BMPR1B: variants seen among roughly 807,000 people sequenced by gnomAD.
BMPR1B encodes bone morphogenetic protein receptor type 1B, also known as bone morphogenetic protein receptor type-1B.
A neutral mutation model predicts 59.1 loss-of-function variants in BMPR1B; 12 were observed. The observed-to-expected ratio is 0.20, with a 90% CI of 0.13 to 0.33. The LOEUF is 0.33. BMPR1B is among the 10% of genes least tolerant of loss of function. The probability of loss-of-function intolerance (pLI) is 1.00; values close to 1 mark genes in which losing one functional copy is unlikely to be tolerated. For synonymous variants in BMPR1B, 237 were observed against 207.3 expected (o/e 1.14, Z -1.23); for missense variants, 550 against 610.9 (o/e 0.90, Z 1.05).
chr4:95,022,718 T>G (rs1724082799), intron 3 of BMPR1B, among the ~76,000 whole-genome samples: 1 of 152,178 alleles, frequency 6.6e-6, no homozygotes, highest in South Asian at 2.1e-4. Flanking sequence ...CAATGCGATT[T>G]CTGAAATATG....
In BMPR1B at chr4:95,129,941, A is replaced by C. The variant is rs957165736; in HGVS notation, c.665A>C (p.Lys222Thr). ...KGRYGEVWMG[K>T]WRGEKVAVKV... ...CGCTATGGGGAAGTTTGGATGGGAAAGTGGCGTGGCGAAAAGGTAGCTGTG... is the reference window on the plus strand; with the variant it reads ...CGCTATGGGGAAGTTTGGATGGGAACGTGGCGTGGCGAAAAGGTAGCTGTG... The change falls in exon 9 of 13, where the codon AAG becomes ACG. Residue 222 changes from lysine (K) to threonine (T), a missense_variant. Physicochemically the swap from Lys to Thr is moderately conservative, Grantham distance 78. This residue lies in a region of BMPR1B where 318 missense variants were observed against 284.6 expected (regional missense o/e 1.12). Coordinates refer to ENST00000515059, the MANE Select transcript of BMPR1B (RefSeq NM_001203.3). 9.9e-6 allele frequency: 16 copies of C among 1,613,816 alleles called. No homozygotes were observed. Among genetic ancestry groups the C allele is most frequent in the Non-Finnish European group, 1.4e-5 (16 of 1,179,916 alleles).
chr4:94,795,986 A>T (rs1723177079), intron 1 of BMPR1B, among the ~76,000 whole-genome samples: 1 of 148,974 alleles, frequency 6.7e-6, no homozygotes, highest in South Asian at 2.1e-4. Flanking sequence ...TTTTTTTGAG[A>T]TGGAGTCTCC....
chr4:95,000,440 A>G (rs1318880621), intron 3 of BMPR1B, among the ~76,000 whole-genome samples: 1 of 152,030 alleles, frequency 6.6e-6, no homozygotes, highest in East Asian at 1.9e-4. Flanking sequence ...CAGGAGGCGG[A>G]GTTTGCAGTG....
chr4:94,888,551 T>C (rs1727270141), intron 2 of BMPR1B, among the ~76,000 whole-genome samples: 3 of 152,088 alleles, frequency 2.0e-5, no homozygotes. Context: ...AAACATTATT[T>C]AATTTTTTCA....
chr4:95,071,646 G>GTATATATATATATATATATATA (rs1179814583), intron 3 of BMPR1B, among the ~76,000 whole-genome samples: 1 of 86,582 alleles, frequency 1.2e-5, no homozygotes, highest in African/African-American at 4.7e-5. Flanking sequence ...GTGTGTGTGT[G>GTATATATATATATATATATATA]TGTGTGTATA....
At chr4:94,767,605 CCT>C (rs774183086) in intron 1 of BMPR1B, among the ~76,000 whole-genome samples, 4 of 152,208 alleles carry the variant, frequency 2.6e-5, no homozygotes, top group Middle Eastern at 3.4e-3. Context: ...ATATTTAAAC[CCT>C]CTCTGAAGAG....
chr4:95,104,657 AT>A, intron 4 of BMPR1B, 90 bp downstream of exon 4: 1 of 1,503,286 alleles, frequency 6.7e-7, no homozygotes. Context: ...CAAAGAACAC[AT>A]TTTAGAGAAC....
At chr4:95,088,897 A>G (rs988313768) in intron 3 of BMPR1B, among the ~76,000 whole-genome samples, 1 of 152,182 alleles carries the variant, frequency 6.6e-6, no homozygotes, top group African/African-American at 2.4e-5. Flanking sequence ...GAGTTTTTAC[A>G]TAGAAGATAG....
At chr4:94,799,627 T>C (rs1723328276) in intron 1 of BMPR1B, among the ~76,000 whole-genome samples, 1 of 151,142 alleles carries the variant, frequency 6.6e-6, no homozygotes, top group South Asian at 2.1e-4. Flanking sequence ...TCATGATTTT[T>C]TTTCCCTCTT....
chr4:95,060,107 T>C (rs1343828601), intron 3 of BMPR1B, among the ~76,000 whole-genome samples: 1 of 152,202 alleles, frequency 6.6e-6, no homozygotes, highest in African/African-American at 2.4e-5. Flanking sequence ...ATGTATTTCC[T>C]GTATCAGAAT....
rs565011054 is a variant in BMPR1B, at chr4:94,956,400, T to C, written c.-112-39640T>C. On this transcript the variant is annotated intron_variant, in intron 2 of 12. Coordinates refer to ENST00000515059, the MANE Select transcript of BMPR1B (RefSeq NM_001203.3). ...CCCTCCCCATAAAGACATAATATAA[T>C]TATTAACAATAACACAAAAAGATAA... Among the ~76,000 whole-genome samples, 3 of 152,272 alleles carry C rather than the reference T, an allele frequency of 2.0e-5. No homozygotes were observed. The South Asian group carries it at 6.2e-4, about 32-fold the overall frequency.
intron 1 of BMPR1B, among the ~76,000 whole-genome samples, chr4:94,859,545 A>C (rs77761270): frequency 6.6e-6 from 1 of 152,148 alleles, no homozygotes; most frequent in Non-Finnish European, 1.5e-5. Context: ...GATCTTGTGC[A>C]TATGTATTTT....
chr4:94,822,849 A>C (rs1346676095), intron 1 of BMPR1B, among the ~76,000 whole-genome samples: 1 of 152,160 alleles, frequency 6.6e-6, no homozygotes, highest in African/African-American at 2.4e-5. Flanking sequence ...GGAAGGATAC[A>C]AAGGCTTTTT....
intron 3 of BMPR1B, among the ~76,000 whole-genome samples, chr4:95,037,675 A>G (rs1450981187): frequency 6.6e-6 from 1 of 152,168 alleles, no homozygotes; most frequent in East Asian, 1.9e-4. Flanking sequence ...TTGGAAGAAG[A>G]AATTCATAAA....
intron 3 of BMPR1B, among the ~76,000 whole-genome samples, chr4:95,023,161 GT>G (rs1419207249): frequency 1.3e-5 from 2 of 152,194 alleles, no homozygotes; most frequent in East Asian, 3.9e-4. Context: ...CGTATTTCCA[GT>G]TTAAACACAT....
At chr4:95,104,627 G>A (rs1288684175) in intron 4 of BMPR1B, 60 bp downstream of exon 4, 2 of 1,586,284 alleles carry the variant, frequency 1.3e-6, no homozygotes, top group Non-Finnish European at 1.7e-6. Context: ...TTTCAACTAT[G>A]CAACTGTAGG....
intron 2 of BMPR1B, among the ~76,000 whole-genome samples, chr4:94,994,840 C>A (rs13129054): frequency 0.72 from 109,448 of 151,954 alleles, 40,606 homozygotes; most frequent in East Asian, 0.86. Context: ...TTGAGAACCA[C>A]CATTCTAACA....
intron 3 of BMPR1B, among the ~76,000 whole-genome samples, chr4:95,049,242 T>C (rs1027416443): frequency 6.6e-6 from 1 of 151,756 alleles, no homozygotes; most frequent in Non-Finnish European, 1.5e-5. Flanking sequence ...GCTTCCCCAA[T>C]AATTGGGAGT....
chr4:95,013,603 A>T (rs1723370004), intron 3 of BMPR1B, among the ~76,000 whole-genome samples: 1 of 152,324 alleles, frequency 6.6e-6, no homozygotes, highest in African/African-American at 2.4e-5. Context: ...GATTTAAAAA[A>T]TTAGAAAACG....
Sources: allele counts gnomAD v4.1 joint callset (sites outside exome capture counted in the v4.1 genomes callset), GRCh38; gene constraint gnomAD v4.1.1; regional missense constraint gnomAD v4.1.1; transcripts MANE v1.5; gene names NCBI Gene and HGNC (gene_info 2026-07-23, HGNC 2026-07-21).